EGFR: variants seen among roughly 807,000 people sequenced by gnomAD.
EGFR encodes avian erythroblastic leukemia viral (v-erb-b) oncogene homolog.
Under a neutral mutation model 143.0 loss-of-function variants are expected in EGFR, and 58 were observed. That is an observed-to-expected ratio of 0.41 (90% CI 0.33 to 0.50). The LOEUF (loss-of-function observed/expected upper bound fraction) is 0.50, where lower values mean the gene tolerates loss of function less well. EGFR is among the 20% of genes least tolerant of loss of function. The pLI, the probability that EGFR is intolerant of heterozygous loss-of-function variation, is 0.39. For synonymous variants in EGFR, 613 were observed against 594.4 expected, an observed-to-expected ratio of 1.03 and a Z score of -0.45; for missense variants, 1,307 against 1,579.0, an observed-to-expected ratio of 0.83 and a Z score of 2.92.
At chr7:55,148,969 T>G (rs1239720046) in intron 4 of EGFR, among the ~76,000 whole-genome samples, 1 of 152,192 alleles carries the variant, frequency 6.6e-6, no homozygotes, top group East Asian at 1.9e-4. Context: ...AAGTTGGGCA[T>G]TAGAAGTTAG....
intron 1 of EGFR, among the ~76,000 whole-genome samples, chr7:55,116,711 G>C (rs930084498): frequency 1.3e-5 from 2 of 152,226 alleles, no homozygotes; most frequent in African/African-American, 2.4e-5. Context: ...AGCACGATGG[G>C]CCAGCTTTGC....
At chr7:55,194,226 CTTT>C (rs56129716) in intron 22 of EGFR, among the ~76,000 whole-genome samples, 3,973 of 132,894 alleles carry the variant, frequency 0.03, 94 homozygotes, top group Non-Finnish European at 0.045. Context: ...TATTTTTTAA[CTTT>C]TTTTTTTTTT....
chr7:55,027,994 ATATAT>A (rs1787018393), intron 1 of EGFR, among the ~76,000 whole-genome samples: 8 of 55,108 alleles, frequency 1.5e-4, no homozygotes, highest in African/African-American at 3.7e-4. Flanking sequence ...AAAAAAAAAT[ATATAT>A]ATATATATAT....
intron 1 of EGFR, among the ~76,000 whole-genome samples, chr7:55,049,390 A>G (rs184654765): frequency 2.0e-5 from 3 of 152,200 alleles, no homozygotes; most frequent in Non-Finnish European, 2.9e-5. Context: ...GCACAAATCT[A>G]TAGAGAACTC....
At chr7:55,204,282 C>T (rs1788004442) in intron 27 of EGFR, among the ~76,000 whole-genome samples, 1 of 146,240 alleles carries the variant, frequency 6.8e-6, no homozygotes, top group Non-Finnish European at 1.5e-5. Flanking sequence ...CACATACATA[C>T]ACATCCACAC....
intron 1 of EGFR, among the ~76,000 whole-genome samples, chr7:55,050,233 G>A (rs1370402862): frequency 6.6e-6 from 1 of 152,074 alleles, no homozygotes; most frequent in Non-Finnish European, 1.5e-5. Context: ...TCCCCATTAA[G>A]CAATGGCTCT....
intron 1 of EGFR, among the ~76,000 whole-genome samples, chr7:55,050,498 A>G (rs1234509863): frequency 1.3e-5 from 2 of 152,156 alleles, no homozygotes; most frequent in Non-Finnish European, 2.9e-5. Flanking sequence ...CATCCACGGG[A>G]GGGCACTTGG....
intron 23 of EGFR, among the ~76,000 whole-genome samples, chr7:55,199,467 A>C (rs10269512): frequency 0.042 from 6,425 of 152,318 alleles, 451 homozygotes; most frequent in African/African-American, 0.15. Flanking sequence ...GACAGAGCCA[A>C]GTTAATGTAA....
At chr7:55,068,000 G>A (rs529859283) in intron 1 of EGFR, among the ~76,000 whole-genome samples, 1 of 150,958 alleles carries the variant, frequency 6.6e-6, no homozygotes, top group South Asian at 2.1e-4. Flanking sequence ...GTATATGTGT[G>A]TCTGTGGGCA....
chr7:55,032,369 G>T (rs749854480), intron 1 of EGFR, among the ~76,000 whole-genome samples: 1 of 152,130 alleles, frequency 6.6e-6, no homozygotes, highest in African/African-American at 2.4e-5. Context: ...GGCTAAATGG[G>T]CCTTAAGGGA....
At chr7:55,162,142 G>A (rs1219381706) in intron 13 of EGFR, among the ~76,000 whole-genome samples, 1 of 152,252 alleles carries the variant, frequency 6.6e-6, no homozygotes, top group East Asian at 1.9e-4. Context: ...TCATAATGAT[G>A]TTTGTTGAAT....
chr7:55,146,566 A>C (rs762831896), intron 3 of EGFR, 40 bp from the exon 4 acceptor site: 2 of 1,613,262 alleles, frequency 1.2e-6, no homozygotes, highest in Non-Finnish European at 1.7e-6. Flanking sequence ...AATTTAAAGG[A>C]GCTGGAAAGA....
At chr7:55,159,618 C>A (rs1238298563) in intron 11 of EGFR, among the ~76,000 whole-genome samples, 1 of 152,222 alleles carries the variant, frequency 6.6e-6, no homozygotes, top group Non-Finnish European at 1.5e-5. Context: ...GTGCTCTTCA[C>A]ACCGGCTCAA....
At chr7:55,171,717 G>A (rs914436533) in intron 16 of EGFR, among the ~76,000 whole-genome samples, 5 of 152,190 alleles carry the variant, frequency 3.3e-5, no homozygotes, top group African/African-American at 1.2e-4. Flanking sequence ...CAGTTTGCCA[G>A]AGCAAAGCCC....
intron 1 of EGFR, among the ~76,000 whole-genome samples, chr7:55,064,140 T>C (rs570124617): frequency 6.6e-6 from 1 of 152,364 alleles, no homozygotes; most frequent in African/African-American, 2.4e-5. Flanking sequence ...ATCTTGATAC[T>C]AGAATTTTAA....
intron 19 of EGFR, among the ~76,000 whole-genome samples, chr7:55,177,620 G>A (rs186705412): frequency 1.6e-4 from 24 of 152,320 alleles, no homozygotes; most frequent in African/African-American, 3.4e-4. Context: ...CAATTCATAC[G>A]GTAGAGCCAT....
chr7:55,210,426 C>T lies in EGFR; in HGVS notation c.*4809C>T, dbSNP rs980862782. On this transcript the variant is annotated 3_prime_UTR_variant, in exon 28 of 28. Coordinates refer to ENST00000275493, the MANE Select transcript of EGFR (RefSeq NM_005228.5). Reference sequence around the variant, plus strand: ...TGAGGAGCTTTTAAAAGCTTGAAGCCCAGCTACACCTCAGACCGATTAAAC... The same window carrying T: ...TGAGGAGCTTTTAAAAGCTTGAAGCTCAGCTACACCTCAGACCGATTAAAC... 1 of 152,044 alleles carries T rather than the reference C, an allele frequency of 6.6e-6. No homozygotes were observed. Among genetic ancestry groups the T allele is most frequent in the Non-Finnish European group, 1.5e-5 (1 of 68,046 alleles). The allele number at this position is 152,044 out of a possible 1,614,324, so 9.4% of individuals were successfully genotyped here.
intron 27 of EGFR, among the ~76,000 whole-genome samples, chr7:55,204,908 C>T (rs544352431): frequency 4.0e-5 from 6 of 150,566 alleles, no homozygotes; most frequent in Admixed American, 3.3e-4. Flanking sequence ...ACCACACACA[C>T]GGTGCACATA....
At chr7:55,164,899 T>G (rs1346950985) in intron 14 of EGFR, among the ~76,000 whole-genome samples, 2 of 152,228 alleles carry the variant, frequency 1.3e-5, no homozygotes, top group Admixed American at 6.5e-5. Flanking sequence ...TTTGCCTCCC[T>G]CTGAGCTTCC....
Sources: gnomAD v4.1 joint callset for allele counts (sites outside exome capture counted in the v4.1 genomes callset) on GRCh38, gnomAD v4.1.1 for gene constraint, MANE v1.5 for transcripts, NCBI Gene and HGNC (gene_info 2026-07-23, HGNC 2026-07-21) for gene names.